PCDHGB1: variants seen among roughly 807,000 people sequenced by gnomAD.
PCDHGB1 encodes the protein protocadherin gamma subfamily B, 1.
PCDHGB1 carries 34 observed loss-of-function variants against 56.6 expected under a neutral mutation model. The observed-to-expected ratio is 0.60, with a 90% CI of 0.46 to 0.80. The LOEUF (loss-of-function observed/expected upper bound fraction) is 0.80, where lower values mean the gene tolerates loss of function less well. PCDHGB1 is among the 30% of genes least tolerant of loss of function. The pLI is 0.00. For synonymous variants in PCDHGB1, 561 were observed against 505.9 expected (o/e 1.11, Z -1.46); for missense variants, 1,278 against 1,204.6 (o/e 1.06, Z -0.90).
intron 1 of PCDHGB1, chr5:141,441,810 C>T (rs2098275091): frequency 6.4e-5 from 24 of 372,574 alleles, no homozygotes; most frequent in Middle Eastern, 7.2e-4. Flanking sequence ...GGTGCTGTAC[C>T]CCAGCTCTGG....
At position 141,487,382 on chromosome 5, in the gene PCDHGB1, T is replaced by A. The variant is rs755316738; in HGVS notation, c.2410-7425T>A. 6.2e-7 allele frequency: 1 copy of A among 1,614,172 alleles called. No individual in the cohort carries two copies. The highest frequency in any genetic ancestry group is 2.2e-5 in the East Asian group (1 of 44,854). On this transcript the variant is annotated intron_variant, in intron 1 of 3. Transcript: ENST00000523390. The surrounding 1 kb of genome is among the most constrained non-coding windows in gnomAD (Gnocchi z 5.0). ...TGGCACCTGTGCCTGTCTCACCAGA[T>A]CTCGAAGGAGGGAGGGGCTTCCCCC...
chr5:141,494,878 T>A lies in PCDHGB1; in HGVS notation c.2468+13T>A. Reference sequence around the variant, plus strand: ...CCGGCACCAGCGGGTAGGTGACTGATTCTCCAGCCCACCCTCTTCTCTGCG... The same window carrying A: ...CCGGCACCAGCGGGTAGGTGACTGAATCTCCAGCCCACCCTCTTCTCTGCG... On this transcript the variant is annotated intron_variant, in intron 2 of 3. Coordinates refer to ENST00000523390, the MANE Select transcript of PCDHGB1 (RefSeq NM_018922.3). The A allele has an allele frequency of 6.2e-7, 1 of 1,614,072 alleles. No homozygotes were observed. The highest frequency in any genetic ancestry group is 8.5e-7 in the Non-Finnish European group (1 of 1,179,986).
rs374042624 is a variant in PCDHGB1, at chr5:141,394,490, G to A, written c.2409+41821G>A. The A allele has an allele frequency of 3.7e-6, 6 of 1,614,058 alleles. No individual in the cohort carries two copies. In the Admixed American group the frequency reaches 5.0e-5, roughly 13 times the overall value. ...TCGTGCTGGACCAGAATGACAACGCGCCCGAGATCCTGTACCCCGCCCTCC... is the reference window on the plus strand; with the variant it reads ...TCGTGCTGGACCAGAATGACAACGCACCCGAGATCCTGTACCCCGCCCTCC... On this transcript the variant is annotated intron_variant, in intron 1 of 3. Transcript: ENST00000523390.
chr5:141,409,476 C>T (rs1195323775), intron 1 of PCDHGB1: 1 of 1,613,982 alleles, frequency 6.2e-7, no homozygotes, highest in South Asian at 1.1e-5. Context: ...ATCGTAGCCA[C>T]TGACAGGGGC....
At chr5:141,441,710 G>A (rs2098266791) in intron 1 of PCDHGB1, 1 of 322,162 alleles carries the variant, frequency 3.1e-6, no homozygotes, top group Non-Finnish European at 6.1e-6. Context: ...TCAAGCTCAC[G>A]CTGCAGGCCC....
rs1769382213 is a variant in PCDHGB1 at position 141,373,189 on chromosome 5, T to C, written c.2409+20520T>C. On this transcript the variant is annotated intron_variant, in intron 1 of 3. Coordinates refer to ENST00000523390, the MANE Select transcript of PCDHGB1 (RefSeq NM_018922.3). The stretch of plus-strand genomic sequence containing the variant: ...GTCAATCCTAAAATATATGAAACAT[T>C]ATGTATATCTTAACACATTTTTAAT... 2.0e-5 allele frequency among the ~76,000 whole-genome samples: 3 copies of C among 152,380 alleles called. No individual in the cohort carries two copies. In the Middle Eastern group the frequency reaches 0.01, roughly 518 times the overall value.
rs183514769 is a variant in PCDHGB1 at position 141,351,107 on chromosome 5, A to G, written c.847A>G (p.Ile283Val). The G allele has an allele frequency of 4.5e-4, 724 of 1,614,064 alleles. 4 individuals are homozygous for G. In the East Asian group the frequency reaches 9.0e-3, roughly 20 times the overall value. Residue 283 changes from isoleucine to valine, a missense_variant, in exon 1 of 4, where the codon ATA becomes GTA. By Grantham distance (29) the Ile-to-Val change is conservative. Coordinates refer to ENST00000523390, the MANE Select transcript of PCDHGB1 (RefSeq NM_018922.3). ...CACCTATGCCTTCCTCAATTCCCCA[A>G]TAAGTACCAGCCTCTTCAATCTCAA... ...EITYAFLNSP[I>V]STSLFNLNPN... is the part of the protein sequence containing the mutation.
At chr5:141,418,752 C>T (rs2096284996) in intron 1 of PCDHGB1, 1 of 1,613,874 alleles carries the variant, frequency 6.2e-7, no homozygotes, top group African/African-American at 1.3e-5. Flanking sequence ...GATTACACTA[C>T]AGGAAACATT....
intron 1 of PCDHGB1, chr5:141,393,960 G>A (rs2092885452): frequency 4.3e-6 from 7 of 1,613,944 alleles, no homozygotes; most frequent in Non-Finnish European, 5.1e-6. Context: ...TGGTCAAGTT[G>A]TCTGTTACAC....
intron 1 of PCDHGB1, among the ~76,000 whole-genome samples, chr5:141,466,776 C>T (rs2099129231): frequency 6.6e-6 from 1 of 152,104 alleles, no homozygotes; most frequent in African/African-American, 2.4e-5. Flanking sequence ...TTATCTTATT[C>T]TTCTTAGTGC....
intron 1 of PCDHGB1, chr5:141,441,337 T>A (rs980210130): frequency 6.6e-6 from 1 of 152,112 alleles, no homozygotes; most frequent in African/African-American, 2.4e-5. Flanking sequence ...CTCCAATAAT[T>A]AACTACATGC....
At position 141,491,121 on chromosome 5, in the gene PCDHGB1, G is replaced by T. The variant is rs1176877834; in HGVS notation, c.2410-3686G>T. On this transcript the variant is annotated intron_variant, in intron 1 of 3. Transcript: ENST00000523390. The surrounding 1 kb of genome is among the most constrained non-coding windows in gnomAD (Gnocchi z 6.9). ...TCCTCGTGTCTACACACACTGGTGA[G>T]GTGCGCACAGCCCGGGCCTTACTGG... 5 of 1,614,200 alleles carry T rather than the reference G, an allele frequency of 3.1e-6. No individual in the cohort carries two copies. In the South Asian group the frequency reaches 5.5e-5, roughly 18 times the overall value.
chr5:141,449,160 T>G (rs6867451), intron 1 of PCDHGB1, among the ~76,000 whole-genome samples: 8,161 of 152,140 alleles, frequency 0.054, 458 homozygotes, highest in African/African-American at 0.15. Context: ...AAAGAGGAAA[T>G]AGGTGTAATT....
At chr5:141,448,150 C>T (rs1182411283) in intron 1 of PCDHGB1, among the ~76,000 whole-genome samples, 4 of 151,924 alleles carry the variant, frequency 2.6e-5, no homozygotes, top group Non-Finnish European at 5.9e-5. Flanking sequence ...CTCAGACTCA[C>T]CCCTGAAAGA....
chr5:141,423,758 G>GGT (rs138224377), intron 1 of PCDHGB1: 10 of 366,772 alleles, frequency 2.7e-5, no homozygotes, highest in Non-Finnish European at 1.5e-5. Flanking sequence ...TTTGGGGGGG[G>GGT]GGTGGGGCGG....
chr5:141,374,326 C>A, intron 1 of PCDHGB1: 1 of 1,613,980 alleles, frequency 6.2e-7, no homozygotes, highest in Non-Finnish European at 8.5e-7. Context: ...ATCCGCGAAA[C>A]GGCAGCTTGG....
intron 1 of PCDHGB1, among the ~76,000 whole-genome samples, chr5:141,454,476 A>G (rs918910449): frequency 6.6e-6 from 1 of 151,806 alleles, no homozygotes; most frequent in Non-Finnish European, 1.5e-5. Flanking sequence ...GCATGATCTC[A>G]GCTCACCGCA....
chr5:141,410,508 G>T (rs752298772), intron 1 of PCDHGB1: 1 of 1,613,968 alleles, frequency 6.2e-7, no homozygotes, highest in South Asian at 1.1e-5. Context: ...TTCCTAAAAT[G>T]CAGTGTGCCC....
chr5:141,419,203 C>T (rs201698529), intron 1 of PCDHGB1: 140 of 1,613,988 alleles, frequency 8.7e-5, no homozygotes, highest in Non-Finnish European at 1.2e-4. Flanking sequence ...TCAATGACAA[C>T]GCGCCGGTTT....
Sources: gnomAD v4.1 joint callset for allele counts (sites outside exome capture counted in the v4.1 genomes callset) on GRCh38, gnomAD v4.1.1 for gene constraint, Gnocchi (gnomAD v3.1) non-coding constraint, MANE v1.5 for transcripts, NCBI Gene and HGNC (gene_info 2026-07-23, HGNC 2026-07-21) for gene names.